Variants in NDUFA5 observed in about 807,000 individuals in gnomAD.
NDUFA5 encodes the protein NADH:ubiquinone oxidoreductase subunit A5.
NDUFA5 carries 11 observed loss-of-function variants against 19.8 expected under a neutral mutation model. The ratio of observed to expected loss-of-function variants is 0.56; its 90% CI spans 0.35 to 0.92. The LOEUF (loss-of-function observed/expected upper bound fraction) is 0.92. Among genes scored for constraint, NDUFA5 ranks in the 40% least tolerant of loss-of-function variants. The pLI is 0.01. For missense variants in NDUFA5, 109 were observed against 134.2 expected (o/e 0.81, Z 0.93); for synonymous variants, 47 against 46.8 (o/e 1.00, Z -0.01).
chr7:123,569,150 T>C, the NDUFA5 span, among the ~76,000 whole-genome samples: 2 of 152,190 alleles, frequency 1.3e-5, no homozygotes, highest in African/African-American at 4.8e-5. Context: ...GTCAGTAAAC[T>C]AGACTGGCCG....
the NDUFA5 span, among the ~76,000 whole-genome samples, chr7:123,592,656 G>C: frequency 6.6e-6 from 1 of 152,254 alleles, no homozygotes; most frequent in East Asian, 1.9e-4. Context: ...GAGACCGTTT[G>C]TTGCGATTTC....
At position 123,550,461 on chromosome 7, in the gene NDUFA5, G is replaced by A; in HGVS notation, c.183+9C>T. ...TACACAAGACAACAAAACTGACTTA[G>A]CTACTTACCGCTTTAACCATAGCCA... On this transcript the variant is annotated intron_variant, in intron 3 of 4. Coordinates refer to ENST00000355749, the MANE Select transcript of NDUFA5 (RefSeq NM_005000.5). The A allele has an allele frequency of 9.0e-7, 1 of 1,107,618 alleles. No individual in the cohort carries two copies. The highest frequency in any genetic ancestry group is 1.3e-6 in the Non-Finnish European group (1 of 774,638). 68.6% of individuals were successfully genotyped at this position (1,107,618 alleles called of 1,614,324 possible). A position where few individuals can be genotyped will look rare whatever the true frequency, so the allele number is the denominator to read the frequency against.
rs1341187872 is a variant in NDUFA5 at position 123,537,007 on chromosome 7, TAATA to T, written c.*5108_*5111del. The stretch of plus-strand genomic sequence containing the variant: ...TACACACAAATGTAGTTTGGTTACA[TAATA>T]AATTTATATTCAAACTTAATGAAAA... On this transcript the variant is annotated 3_prime_UTR_variant, in exon 5 of 5. Coordinates refer to ENST00000355749, the MANE Select transcript of NDUFA5 (RefSeq NM_005000.5). The T allele has an allele frequency of 2.0e-5, 3 of 152,196 alleles. No individual in the cohort carries two copies. Among genetic ancestry groups the T allele is most frequent in the African/African-American group, 7.2e-5 (3 of 41,458 alleles). The allele number at this position is 152,196 out of a possible 1,614,324, so 9.4% of individuals were successfully genotyped here. A position where few individuals can be genotyped will look rare whatever the true frequency, so the allele number is the denominator to read the frequency against.
At chr7:123,577,911 ACTTT>A in the NDUFA5 span, among the ~76,000 whole-genome samples, 2 of 151,952 alleles carry the variant, frequency 1.3e-5, no homozygotes, top group African/African-American at 4.8e-5. Context: ...TAAAAATTAT[ACTTT>A]AAGTTCCGGG....
intron 3 of NDUFA5, among the ~76,000 whole-genome samples, chr7:123,546,299 A>G (rs1798131737): frequency 6.6e-6 from 1 of 152,194 alleles, no homozygotes; most frequent in Non-Finnish European, 1.5e-5. Context: ...ATAAGACAGT[A>G]CATACTAATG....
chr7:123,592,274 T>C, the NDUFA5 span, among the ~76,000 whole-genome samples: 1 of 151,118 alleles, frequency 6.6e-6, no homozygotes, highest in East Asian at 1.9e-4. Context: ...ATTTTTTGTG[T>C]CTCTGTCTCA....
At position 123,540,898 on chromosome 7, in the gene NDUFA5, A is replaced by ACACG. The variant is rs1797917406; in HGVS notation, c.*1220_*1221insCGTG. The ACACG allele has an allele frequency of 1.6e-5, 2 of 122,382 alleles. No individual in the cohort carries two copies. Among genetic ancestry groups the ACACG allele is most frequent in the African/African-American group, 6.4e-5 (2 of 31,490 alleles). 7.6% of individuals were successfully genotyped at this position (122,382 alleles called of 1,614,324 possible). ...AATGTGCGCATGCGCGTGCACACAC[A>ACACG]CACACACACACACACACACACACAC... is the stretch of plus-strand genomic sequence containing the variant. On this transcript the variant is annotated 3_prime_UTR_variant, in exon 5 of 5. Transcript: ENST00000355749.
chr7:123,553,218 G>A (rs1351357671), intron 2 of NDUFA5, among the ~76,000 whole-genome samples: 2 of 152,288 alleles, frequency 1.3e-5, no homozygotes, highest in Non-Finnish European at 1.5e-5. Context: ...CTGAGACTGG[G>A]TGATTTATAA....
chr7:123,557,466 A>G lies in NDUFA5; in HGVS notation c.22-18T>C. 1 of 1,612,586 alleles carries G rather than the reference A, an allele frequency of 6.2e-7. No individual in the cohort carries two copies. The highest frequency in any genetic ancestry group is 8.5e-7 in the Non-Finnish European group (1 of 1,179,192). On this transcript the variant is annotated intron_variant, in intron 1 of 4. Transcript: ENST00000355749. ...CCAGTGGTCTGTTCAAAAACAAAAC[A>G]CGATTCATGCTGTTTACTACGGTTT...
the NDUFA5 span, among the ~76,000 whole-genome samples, chr7:123,583,644 A>G: frequency 1.3e-5 from 2 of 152,004 alleles, no homozygotes; most frequent in Non-Finnish European, 1.5e-5. Flanking sequence ...TGAGCGAAGA[A>G]AGATTTTTTC....
chr7:123,559,030 G>A (rs956680357), upstream of NDUFA5, among the ~76,000 whole-genome samples: 1 of 151,786 alleles, frequency 6.6e-6, no homozygotes, highest in Non-Finnish European at 1.5e-5. Context: ...ATGAAACCAG[G>A]AATTGGTTCC....
rs766305834 is a variant in NDUFA5 at position 123,540,890 on chromosome 7, G to GCGCGCGCGCACACACACACACA, written c.*1228_*1229insTGTGTGTGTGTGTGCGCGCGCG. 4.5e-5 allele frequency: 6 copies of GCGCGCGCGCACACACACACACA among 133,908 alleles called. No homozygotes were observed. Among genetic ancestry groups the GCGCGCGCGCACACACACACACA allele is most frequent in the East Asian group, 2.2e-4 (1 of 4,526 alleles). The allele number at this position is 133,908 out of a possible 1,614,324, so 8.3% of individuals were successfully genotyped here. On this transcript the variant is annotated 3_prime_UTR_variant, in exon 5 of 5. Transcript: ENST00000355749. ...TCTGAGCAAATGTGCGCATGCGCGT[G>GCGCGCGCGCACACACACACACA]CACACACACACACACACACACACAC...
the NDUFA5 span, chr7:123,598,926 T>C: frequency 6.6e-6 from 1 of 152,316 alleles, no homozygotes; most frequent in South Asian, 2.1e-4. Flanking sequence ...ATGTTTTCAG[T>C]TGTTTGATTT....
chr7:123,580,348 T>G, the NDUFA5 span, among the ~76,000 whole-genome samples: 1 of 152,008 alleles, frequency 6.6e-6, no homozygotes. Flanking sequence ...TTGGTTTGAG[T>G]TGCTTGAGTC....
chr7:123,561,791 T>C (rs1034338707), upstream of NDUFA5, among the ~76,000 whole-genome samples: 3 of 151,976 alleles, frequency 2.0e-5, no homozygotes, highest in Non-Finnish European at 4.4e-5. Flanking sequence ...AGAGACGGGG[T>C]TTCACCGTCT....
chr7:123,562,782 T>TTTTC (rs1267601710), upstream of NDUFA5, among the ~76,000 whole-genome samples: 1 of 146,818 alleles, frequency 6.8e-6, no homozygotes, highest in African/African-American at 2.5e-5. Flanking sequence ...TTTCTTTTTC[T>TTTTC]TTTCTTTCTT....
chr7:123,573,271 C>A, the NDUFA5 span, among the ~76,000 whole-genome samples: 4 of 147,476 alleles, frequency 2.7e-5, 1 homozygote, highest in Admixed American at 2.7e-4. Flanking sequence ...ATAACCTCTC[C>A]TTTCCCTCTG....
At chr7:123,543,705 T>A (rs530430532) in intron 4 of NDUFA5, among the ~76,000 whole-genome samples, 3 of 152,208 alleles carry the variant, frequency 2.0e-5, no homozygotes, top group East Asian at 3.9e-4. Flanking sequence ...CTTAATTCCA[T>A]GAAAAATTGA....
intron 2 of NDUFA5, among the ~76,000 whole-genome samples, chr7:123,554,144 A>C (rs1798453423): frequency 6.6e-6 from 1 of 152,254 alleles, no homozygotes; most frequent in Non-Finnish European, 1.5e-5. Context: ...ATGTGTTATA[A>C]GTATAAATAC....
Sources: gnomAD v4.1 joint callset for allele counts (sites outside exome capture counted in the v4.1 genomes callset) on GRCh38, gnomAD v4.1.1 for gene constraint, MANE v1.5 for transcripts, NCBI Gene and HGNC (gene_info 2026-07-23, HGNC 2026-07-21) for gene names.